The following UGT2B4 variants were observed in gnomAD, a reference collection of about 807,000 sequenced individuals.
UGT2B4 encodes the protein UDP-glucuronosyltransferase 2B4.
In UGT2B4, 49 loss-of-function variants were observed where a neutral mutation model predicts 49.8. That is an observed-to-expected ratio of 0.98 (90% CI 0.78 to 1.25). The LOEUF (loss-of-function observed/expected upper bound fraction) is 1.25. Ranked by LOEUF, UGT2B4 falls within the 50% of genes most tolerant of loss-of-function variation. UGT2B4 has a pLI of 0.00. For synonymous variants in UGT2B4, 246 were observed against 217.7 expected (o/e 1.13, Z -1.14); for missense variants, 729 against 627.7 (o/e 1.16, Z -1.73).
chr4:69,498,075 T>C (rs952270496), upstream of UGT2B4, among the ~76,000 whole-genome samples: 1 of 152,232 alleles, frequency 6.6e-6, no homozygotes, highest in Non-Finnish European at 1.5e-5. Flanking sequence ...GAAGTGTTTT[T>C]AATTAAGGTG....
chr4:69,524,624 T>C (rs1728930587), intron 1 of UGT2B4, among the ~76,000 whole-genome samples: 2 of 152,094 alleles, frequency 1.3e-5, no homozygotes, highest in African/African-American at 4.8e-5. Flanking sequence ...AAGATATAAA[T>C]TGATGATTTG....
intron 5 of UGT2B4, 91 bp downstream of exon 5, chr4:69,485,117 A>G: frequency 7.0e-7 from 1 of 1,429,146 alleles, no homozygotes; most frequent in South Asian, 1.3e-5. Flanking sequence ...TTTCGAAATC[A>G]GTCGCTTATA....
intron 1 of UGT2B4, among the ~76,000 whole-genome samples, chr4:69,515,351 T>C (rs1728704385): frequency 6.6e-6 from 1 of 152,078 alleles, no homozygotes; most frequent in Admixed American, 6.6e-5. Flanking sequence ...GAACTAAAGA[T>C]TAAGAAATTC....
At chr4:69,487,657 C>T (rs1374640726) in intron 3 of UGT2B4, among the ~76,000 whole-genome samples, 1 of 152,058 alleles carries the variant, frequency 6.6e-6, no homozygotes, top group African/African-American at 2.4e-5. Context: ...GTCTTACTAC[C>T]TGTAAGATGA....
At chr4:69,508,458 T>A (rs1050528230) in intron 1 of UGT2B4, among the ~76,000 whole-genome samples, 5 of 152,130 alleles carry the variant, frequency 3.3e-5, no homozygotes, top group Admixed American at 6.5e-5. Flanking sequence ...ATCTAAATGC[T>A]CATCAGTGAT....
chr4:69,516,764 C>A (rs529992846), intron 1 of UGT2B4, among the ~76,000 whole-genome samples: 1 of 151,936 alleles, frequency 6.6e-6, no homozygotes, highest in South Asian at 2.1e-4. Flanking sequence ...CCCACCACCA[C>A]GCCTGGCTAA....
intron 1 of UGT2B4, 115 bp from the exon 2 acceptor site, chr4:69,493,956 G>T: frequency 8.6e-7 from 1 of 1,157,636 alleles, no homozygotes; most frequent in Non-Finnish European, 1.2e-6. Flanking sequence ...TTTGTGCCTT[G>T]AAAAAAAATA....
At chr4:69,502,134 T>TTTC (rs1491219330) in intron 1 of UGT2B4, among the ~76,000 whole-genome samples, 10 of 138,876 alleles carry the variant, frequency 7.2e-5, no homozygotes, top group South Asian at 2.3e-4. Flanking sequence ...TCTTTCTTTC[T>TTTC]TTCTTTCTTT....
chr4:69,511,676 G>A (rs12645214), intron 1 of UGT2B4, among the ~76,000 whole-genome samples: 53,105 of 151,500 alleles, frequency 0.35, 9,308 homozygotes, highest in Non-Finnish European at 0.37. Context: ...GTATAATGCT[G>A]CTCTCATAAA....
At chr4:69,487,465 C>T (rs1405313646) in intron 3 of UGT2B4, among the ~76,000 whole-genome samples, 1 of 152,054 alleles carries the variant, frequency 6.6e-6, no homozygotes, top group Non-Finnish European at 1.5e-5. Flanking sequence ...AGCTGCAGTC[C>T]ATTATCCCTA....
intron 1 of UGT2B4, among the ~76,000 whole-genome samples, chr4:69,502,895 A>G (rs966527201): frequency 6.6e-6 from 1 of 152,088 alleles, no homozygotes; most frequent in Non-Finnish European, 1.5e-5. Flanking sequence ...CTAGTCACAA[A>G]ACAGGGAACC....
chr4:69,493,505 T>C (rs1200168691), intron 2 of UGT2B4, among the ~76,000 whole-genome samples, 188 bp downstream of exon 2: 1 of 152,192 alleles, frequency 6.6e-6, no homozygotes, highest in African/African-American at 2.4e-5. Flanking sequence ...AGTATCCCTC[T>C]TTATTGGTAA....
intron 1 of UGT2B4, among the ~76,000 whole-genome samples, chr4:69,514,868 A>C (rs1287991475): frequency 2.0e-5 from 3 of 152,226 alleles, no homozygotes; most frequent in Non-Finnish European, 4.4e-5. Context: ...AATGGAAAAT[A>C]GAAAAAAGCA....
chr4:69,522,781 T>A (rs908130775), intron 1 of UGT2B4, among the ~76,000 whole-genome samples: 3 of 152,196 alleles, frequency 2.0e-5, no homozygotes, highest in African/African-American at 7.2e-5. Context: ...CATGCAATAG[T>A]GTCTGACAGC....
At chr4:69,483,071 C>T (rs1328380194) in intron 5 of UGT2B4, among the ~76,000 whole-genome samples, 1 of 152,000 alleles carries the variant, frequency 6.6e-6, no homozygotes, top group African/African-American at 2.4e-5. Flanking sequence ...CATATATTTT[C>T]CTATATAATT....
At chr4:69,500,812 G>A (rs539452021), upstream of UGT2B4, among the ~76,000 whole-genome samples, 7 of 152,128 alleles carry the variant, frequency 4.6e-5, no homozygotes, top group East Asian at 1.2e-3. Flanking sequence ...TGCAACCCTC[G>A]GGTCAGGAAG....
chr4:69,492,889 G>GT (rs1214230285), intron 2 of UGT2B4, among the ~76,000 whole-genome samples: 1 of 152,002 alleles, frequency 6.6e-6, no homozygotes, highest in Non-Finnish European at 1.5e-5. Context: ...GCTCTTTCTA[G>GT]TTTGGCCCTT....
rs1486648954 is a variant in UGT2B4, at chr4:69,495,804, A to T, written c.58T>A (p.Ser20Thr). 1.9e-6 allele frequency: 3 copies of T among 1,613,312 alleles called. No homozygotes were observed. The highest frequency in any genetic ancestry group is 2.5e-6 in the Non-Finnish European group (3 of 1,179,796). The change falls in exon 1 of 6, where the codon TCT becomes ACT. Residue 20 changes from serine (S) to threonine (T), a missense_variant. By Grantham distance (58) the Ser-to-Thr change is moderately conservative. Coordinates refer to ENST00000305107, the MANE Select transcript of UGT2B4 (RefSeq NM_021139.3). ...LLIQLSCYFSSGSCGKVLVWP... is the reference protein window; with the variant it reads ...LLIQLSCYFSTGSCGKVLVWP... ...ACCAGCACCTTTCCACAACTCCCAG[A>T]GCTAAAGTAACAGCTCAGCTGTATC...
At chr4:69,519,629 C>A (rs1422985238) in intron 1 of UGT2B4, among the ~76,000 whole-genome samples, 1 of 152,200 alleles carries the variant, frequency 6.6e-6, no homozygotes, top group East Asian at 1.9e-4. Context: ...ACAAAAATAA[C>A]ATCTCTAAAT....
Sources: allele counts gnomAD v4.1 joint callset (sites outside exome capture counted in the v4.1 genomes callset), GRCh38; gene constraint gnomAD v4.1.1; transcripts MANE v1.5; gene names NCBI Gene and HGNC (gene_info 2026-07-23, HGNC 2026-07-21).